CLCNKA: variants seen among roughly 807,000 people sequenced by gnomAD.
CLCNKA encodes the protein chloride channel protein ClC-Ka.
In CLCNKA, 66 loss-of-function variants were observed where a neutral mutation model predicts 83.3. The ratio of observed to expected loss-of-function variants is 0.79; its 90% CI spans 0.65 to 0.97. CLCNKA has a LOEUF of 0.97. Among genes scored for constraint, CLCNKA ranks in the 50% least tolerant of loss-of-function variants. The pLI, the probability that CLCNKA is intolerant of heterozygous loss-of-function variation, is 0.00. For synonymous variants in CLCNKA, 357 were observed against 370.4 expected, an observed-to-expected ratio of 0.96 and a Z score of 0.42; for missense variants, 806 against 888.7, an observed-to-expected ratio of 0.91 and a Z score of 1.18.
chr1:16,024,780 A>G lies in CLCNKA; in HGVS notation c.247A>G (p.Arg83Gly), dbSNP rs10927887. 0.56 allele frequency: 906,528 copies of G among 1,613,634 alleles called. 257,855 individuals are homozygous for G. Among genetic ancestry groups the G allele is most frequent in the East Asian group, 0.74 (33,269 of 44,858 alleles). ...CVVRAHQWLY[R>G]EIGDSHLLRY... ...GTCCCCAGCACACCAGTGGCTGTAC[A>G]GGGAGATTGGGGACAGCCACCTGCT... The change falls in exon 4 of 20, where the codon AGG (arginine) becomes GGG (glycine). Residue 83 changes from arginine to glycine, a missense_variant. Transcript: ENST00000331433.
rs955731326 is a variant in CLCNKA at position 16,028,896 on chromosome 1, C to T, written c.1053+51C>T. The T allele has an allele frequency of 3.8e-6, 6 of 1,596,278 alleles. No individual in the cohort carries two copies. In the African/African-American group the frequency reaches 5.4e-5, roughly 14 times the overall value. ...AGGAGTGGGAACCCCCATTTGTTTT[C>T]CCCTTTGCATGTGTCTCACGTAATA... On this transcript the variant is annotated intron_variant, in intron 11 of 19. Coordinates refer to ENST00000331433, the MANE Select transcript of CLCNKA (RefSeq NM_004070.4).
chr1:16,024,906 G>A lies in CLCNKA; in HGVS notation c.358+15G>A, dbSNP rs769768260. 5.0e-6 allele frequency: 8 copies of A among 1,613,792 alleles called. No individual in the cohort carries two copies. Among genetic ancestry groups the A allele is most frequent in the Middle Eastern group, 1.6e-4 (1 of 6,078 alleles). On this transcript the variant is annotated intron_variant, in intron 4 of 19. Coordinates refer to ENST00000331433, the MANE Select transcript of CLCNKA (RefSeq NM_004070.4). ...CTCCTCTGGAGGTGAGTCCACGGTC[G>A]CCATGCCAGTCCCCAGTGCCAAAAC...
chr1:16,033,094 A>T, intron 18 of CLCNKA, 76 bp from the exon 19 acceptor site: 4 of 1,456,940 alleles, frequency 2.7e-6, no homozygotes, highest in Non-Finnish European at 3.9e-6. Context: ...CCTGGCTCAG[A>T]GGCGTGGCAG....
chr1:16,030,416 C>G, intron 14 of CLCNKA, 45 bp from the exon 15 acceptor site: 1 of 1,608,416 alleles, frequency 6.2e-7, no homozygotes, highest in African/African-American at 1.3e-5. Flanking sequence ...CAGGCTGGCC[C>G]CTGCCTCCTG....
Position 16,031,823 on chromosome 1 carries a change from A to G in CLCNKA, c.1736A>G (p.Tyr579Cys). Reference sequence around the variant, plus strand: ...GTGACCTCCACAGACGTGACCGAGTATCCCCTGGTGGAGAGCACAGGTGCC... The same window carrying G: ...GTGACCTCCACAGACGTGACCGAGTGTCCCCTGGTGGAGAGCACAGGTGCC... Reference protein sequence around the residue: ...KVVTSTDVTEYPLVESTESQI... With the variant: ...KVVTSTDVTECPLVESTESQI... The change falls in exon 16 of 20, where the codon TAT becomes TGT. Residue 579 changes from tyrosine to cysteine, a missense_variant. Tyr to Cys is a radical substitution (Grantham distance 194). Coordinates refer to ENST00000331433, the MANE Select transcript of CLCNKA (RefSeq NM_004070.4). 6.2e-7 allele frequency: 1 copy of G among 1,613,902 alleles called. No individual in the cohort carries two copies. Among genetic ancestry groups the G allele is most frequent in the Non-Finnish European group, 8.5e-7 (1 of 1,180,036 alleles).
chr1:16,029,620 C>T (rs1280613954), intron 12 of CLCNKA, 111 bp from the exon 13 acceptor site: 2 of 1,399,682 alleles, frequency 1.4e-6, no homozygotes, highest in Non-Finnish European at 1.0e-6. Context: ...GGGTGCATGG[C>T]TGGCACCCTC....
Position 16,027,406 on chromosome 1 carries a change from G to C in CLCNKA, c.752G>C (p.Arg251Pro), listed in dbSNP as rs779542380. 2 of 1,614,060 alleles carry C rather than the reference G, an allele frequency of 1.2e-6. No homozygotes were observed. The highest frequency in any genetic ancestry group is 3.3e-5 in the Admixed American group (2 of 60,020). The change falls in exon 8 of 20, where the codon CGG (arginine) becomes CCG (proline). Residue 251 changes from arginine (R) to proline (P), a missense_variant. Arg to Pro is a moderately radical substitution (Grantham distance 103, BLOSUM62 -2). Coordinates refer to ENST00000331433, the MANE Select transcript of CLCNKA (RefSeq NM_004070.4). ...FAATCGAFIF[R>P]LLAVFNSEQE... ...GCCACCTGCGGGGCCTTCATATTCC[G>C]GCTCCTGGCAGTCTTCAACAGCGAG...
At position 16,027,377 on chromosome 1, in the gene CLCNKA, T is replaced by G. The variant is rs1443396097; in HGVS notation, c.723T>G (p.Phe241Leu). 6 of 1,613,812 alleles carry G rather than the reference T, an allele frequency of 3.7e-6. No individual in the cohort carries two copies. Among genetic ancestry groups the G allele is most frequent in the Non-Finnish European group, 5.1e-6 (6 of 1,179,998 alleles). Residue 241 changes from phenylalanine to leucine, a missense_variant, in exon 8 of 20, where the codon TTT becomes TTG. Phe to Leu is a conservative substitution (Grantham distance 22). Transcript: ENST00000331433. ...FSVRDYWRGF[F>L]AATCGAFIFR... ...TCCGGGATTACTGGAGGGGCTTCTT[T>G]GCGGCCACCTGCGGGGCCTTCATAT...
chr1:16,029,550 A>AG (rs2022526323), intron 12 of CLCNKA, among the ~76,000 whole-genome samples, 181 bp from the exon 13 acceptor site: 1 of 152,206 alleles, frequency 6.6e-6, no homozygotes, highest in Admixed American at 6.5e-5. Context: ...GCACAGTGCC[A>AG]GGCATACAGT....
Position 16,030,606 on chromosome 1 carries a change from C to T in CLCNKA, c.1554C>T (p.Ser518=). The part of the protein sequence containing the change: ...ANAIAQSCQP[S]FYDGTIIVKK... Reference sequence around the variant, plus strand: ...CCATTGCACAGAGCTGCCAGCCCTCCTTCTATGATGGCACCATCATTGTCA... The same window carrying T: ...CCATTGCACAGAGCTGCCAGCCCTCTTTCTATGATGGCACCATCATTGTCA... The change falls in exon 15 of 20, where the codon TCC becomes TCT. Residue 518 remains serine (S), a synonymous_variant. Coordinates refer to ENST00000331433, the MANE Select transcript of CLCNKA (RefSeq NM_004070.4). The T allele has an allele frequency of 6.2e-7, 1 of 1,613,060 alleles. No individual in the cohort carries two copies. The highest frequency in any genetic ancestry group is 8.5e-7 in the Non-Finnish European group (1 of 1,180,048).
intron 2 of CLCNKA, 65 bp from the exon 3 acceptor site, chr1:16,023,735 C>T: frequency 6.2e-7 from 1 of 1,605,424 alleles, no homozygotes. Flanking sequence ...AAGCAGACCT[C>T]CAGGGAAGGG....
In CLCNKA at chr1:16,032,192, C is replaced by T. The variant is rs760410288; in HGVS notation, c.1757-11C>T. 1 of 1,610,974 alleles carries T rather than the reference C, an allele frequency of 6.2e-7. No individual in the cohort carries two copies. The highest frequency in any genetic ancestry group is 8.5e-7 in the Non-Finnish European group (1 of 1,178,286). ...AATGCACCTCCCTCCCTCTCCCTCT[C>T]TACTTGCCAGAGTCCCAGATCCTGG... On this transcript the variant is annotated splice_polypyrimidine_tract_variant and intron_variant, in intron 16 of 19. Transcript: ENST00000331433.
chr1:16,033,066 T>A (rs1175812651), intron 18 of CLCNKA, 104 bp from the exon 19 acceptor site: 1 of 1,229,158 alleles, frequency 8.1e-7, no homozygotes, highest in African/African-American at 1.5e-5. Context: ...CCCACACATA[T>A]CAGGCCCCGC....
At chr1:16,026,499 C>T in intron 5 of CLCNKA, 37 bp from the exon 6 acceptor site, 1 of 1,612,610 alleles carries the variant, frequency 6.2e-7, no homozygotes. Flanking sequence ...GAGACTGTCT[C>T]TGCTGCCCTC....
At chr1:16,026,296 G>A (rs759189688) in intron 5 of CLCNKA, 49 bp downstream of exon 5, 8 of 1,547,826 alleles carry the variant, frequency 5.2e-6, no homozygotes, top group South Asian at 1.1e-5. Context: ...ACCCTACCCT[G>A]CCCCAGCTCT....
intron 3 of CLCNKA, 137 bp from the exon 4 acceptor site, chr1:16,024,626 G>A: frequency 1.7e-6 from 2 of 1,184,340 alleles, no homozygotes; most frequent in South Asian, 1.4e-5. Context: ...CTTTTCTTGG[G>A]GGTCTGCACC....
chr1:16,032,584 G>A, intron 18 of CLCNKA, 58 bp downstream of exon 18: 1 of 1,317,466 alleles, frequency 7.6e-7, no homozygotes, highest in Non-Finnish European at 1.1e-6. Context: ...AAGAGCTGAT[G>A]AGGAGCTCAG....
At chr1:16,029,872 T>C in intron 13 of CLCNKA, 72 bp downstream of exon 13, 2 of 1,605,548 alleles carry the variant, frequency 1.2e-6, no homozygotes, top group Non-Finnish European at 1.7e-6. Context: ...TGGTTCACCC[T>C]CTTCCCGGGT....
Position 16,023,935 on chromosome 1 carries a change from C to T in CLCNKA, c.229+7C>T, listed in dbSNP as rs529654903. ...ATCGGGTGTGTGGTCCGAGGTAACT[C>T]TTCCCTGGCAGGTGCTGCTCTGGGC... On this transcript the variant is annotated splice_region_variant and intron_variant, in intron 3 of 19. Transcript: ENST00000331433. 1 of 1,613,960 alleles carries T rather than the reference C, an allele frequency of 6.2e-7. No individual in the cohort carries two copies. Among genetic ancestry groups the T allele is most frequent in the South Asian group, 1.1e-5 (1 of 91,076 alleles).
Sources: gnomAD v4.1 joint callset for allele counts (sites outside exome capture counted in the v4.1 genomes callset) on GRCh38, gnomAD v4.1.1 for gene constraint, MANE v1.5 for transcripts, NCBI Gene and HGNC (gene_info 2026-07-23, HGNC 2026-07-21) for gene names.